Variants in ZNF736 observed in about 807,000 individuals in gnomAD.
ZNF736 encodes the protein zinc finger protein 736.
Under a neutral mutation model 11.7 loss-of-function variants are expected in ZNF736, and 6 were observed. That is an observed-to-expected ratio of 0.51 (90% CI 0.28 to 1.01). The LOEUF (loss-of-function observed/expected upper bound fraction) is 1.01. Among genes scored for constraint, ZNF736 ranks in the 50% least tolerant of loss-of-function variants. The pLI is 0.09. For synonymous variants in ZNF736, 139 were observed against 164.7 expected, an observed-to-expected ratio of 0.84 and a Z score of 1.19; for missense variants, 444 against 496.0, an observed-to-expected ratio of 0.90 and a Z score of 1.00.
At chr7:64,315,106 C>T (rs796615114) in intron 1 of ZNF736, among the ~76,000 whole-genome samples, 17 of 152,264 alleles carry the variant, frequency 1.1e-4, no homozygotes, top group African/African-American at 3.8e-4. Flanking sequence ...TTTTCAAGCT[C>T]TTGCTTCACC....
rs1789520630 is a variant in ZNF736, at chr7:64,353,737, TAGG to T, written c.*4593_*4595del. 6.6e-6 allele frequency: 1 copy of T among 152,304 alleles called. No homozygotes were observed. Among genetic ancestry groups the T allele is most frequent in the African/African-American group, 2.4e-5 (1 of 41,564 alleles). 9.4% of individuals were successfully genotyped at this position (152,304 alleles called of 1,614,324 possible). A position where few individuals can be genotyped will look rare whatever the true frequency, so the allele number is the denominator to read the frequency against. On this transcript the variant is annotated 3_prime_UTR_variant, in exon 4 of 4. Coordinates refer to ENST00000423484, the MANE Select transcript of ZNF736 (RefSeq NM_001170905.3). ...AGCAGTATCGTAAGTGACAGGATGA[TAGG>T]AGTGTGGTAAGTGATCAGGATAATA...
At position 64,349,167 on chromosome 7, in the gene ZNF736, C is replaced by T; in HGVS notation, c.*20C>T. 1 of 1,493,498 alleles carries T rather than the reference C, an allele frequency of 6.7e-7. No homozygotes were observed. The highest frequency in any genetic ancestry group is 8.9e-7 in the Non-Finnish European group (1 of 1,122,166). The allele number at this position is 1,493,498 out of a possible 1,614,324, so 92.5% of individuals were successfully genotyped here. On this transcript the variant is annotated 3_prime_UTR_variant, in exon 4 of 4. Coordinates refer to ENST00000423484, the MANE Select transcript of ZNF736 (RefSeq NM_001170905.3). The stretch of plus-strand genomic sequence containing the variant: ...TGTTAAAAATGTGGAAAAGCCTTTA[C>T]CAAGTCCTCATACTGTGTTCAACAT...
Position 64,336,921 on chromosome 7 carries a change from T to C in ZNF736, c.165T>C (p.Cys55=), listed in dbSNP as rs769663295. The stretch of plus-strand genomic sequence containing the variant: ...TCTTTAAGCCAGACTTGATGACCTG[T>C]CTGGAGCAAAGAAAAGAGCCTTGGA... ...LAIFKPDLMT[C]LEQRKEPWKV... is the part of the protein sequence containing the mutation. The change falls in exon 3 of 4, where the codon TGT becomes TGC. Residue 55 remains cysteine, a synonymous_variant. Coordinates refer to ENST00000423484, the MANE Select transcript of ZNF736 (RefSeq NM_001170905.3). 6.2e-7 allele frequency: 1 copy of C among 1,603,630 alleles called. No homozygotes were observed. The highest frequency in any genetic ancestry group is 1.1e-5 in the South Asian group (1 of 90,004).
At chr7:64,338,440 G>A (rs908826657) in intron 3 of ZNF736, among the ~76,000 whole-genome samples, 7 of 151,996 alleles carry the variant, frequency 4.6e-5, no homozygotes, top group Admixed American at 2.6e-4. Context: ...TGTACCTTAG[G>A]TTACCATAAC....
Position 64,354,541 on chromosome 7 carries a change from T to A in ZNF736, c.*5394T>A, listed in dbSNP as rs1415336704. 1 of 73,224 alleles carries A rather than the reference T, an allele frequency of 1.4e-5. No individual in the cohort carries two copies. The highest frequency in any genetic ancestry group is 2.8e-5 in the Non-Finnish European group (1 of 35,354). 4.5% of individuals were successfully genotyped at this position (73,224 alleles called of 1,614,324 possible). On this transcript the variant is annotated 3_prime_UTR_variant, in exon 4 of 4. Coordinates refer to ENST00000423484, the MANE Select transcript of ZNF736 (RefSeq NM_001170905.3). ...TGTTATTGCTCCTGGCTTAGAATCA[T>A]CTTGTGCAAATTCTTTTTTTGTTGT... is the stretch of plus-strand genomic sequence containing the variant.
intron 3 of ZNF736, among the ~76,000 whole-genome samples, chr7:64,338,339 T>C (rs1789288664): frequency 6.6e-6 from 1 of 152,220 alleles, no homozygotes; most frequent in Admixed American, 6.5e-5. Flanking sequence ...TTTATGACCT[T>C]ACAAGTTACC....
In ZNF736 at chr7:64,354,773, A is replaced by G. The variant is rs530462407; in HGVS notation, c.*5626A>G. The G allele has an allele frequency of 1.3e-5, 2 of 152,322 alleles. No homozygotes were observed. Among genetic ancestry groups the G allele is most frequent in the Admixed American group, 6.5e-5 (1 of 15,298 alleles). 9.4% of individuals were successfully genotyped at this position (152,322 alleles called of 1,614,324 possible). A position where few individuals can be genotyped will look rare whatever the true frequency, so the allele number is the denominator to read the frequency against. ...TGTTTCAATTAGAGAATGCTATTGA[A>G]TCCAGTTTTTGTTTAGTTACTGTTC... On this transcript the variant is annotated 3_prime_UTR_variant, in exon 4 of 4. Transcript: ENST00000423484.
chr7:64,333,215 T>C (rs1362991903), intron 1 of ZNF736, among the ~76,000 whole-genome samples: 1 of 152,226 alleles, frequency 6.6e-6, no homozygotes, highest in Non-Finnish European at 1.5e-5. Context: ...ACGCTACTTG[T>C]GATGTTTTGC....
intron 1 of ZNF736, among the ~76,000 whole-genome samples, chr7:64,322,512 C>G (rs1016333942): frequency 6.6e-6 from 1 of 152,020 alleles, no homozygotes; most frequent in Non-Finnish European, 1.5e-5. Context: ...ATAGTAACAT[C>G]AAAATACATT....
rs1346907037 is a variant in ZNF736, at chr7:64,348,793, C to G, written c.930C>G (p.Asp310Glu). 1.3e-6 allele frequency: 2 copies of G among 1,585,600 alleles called. No homozygotes were observed. Among genetic ancestry groups the G allele is most frequent in the African/African-American group, 1.4e-5 (1 of 73,602 alleles). Residue 310 changes from aspartate (D) to glutamate (E), a missense_variant, in exon 4 of 4, where the codon GAC becomes GAG. Transcript: ENST00000423484. ...AACATAAGATAATTCATACTGGAGACAAACCCTACACATGTAATGAATGTG... is the reference window on the plus strand; with the variant it reads ...AACATAAGATAATTCATACTGGAGAGAAACCCTACACATGTAATGAATGTG... The part of the protein sequence containing the change: ...LAKHKIIHTG[D>E]KPYTCNECGK...
At chr7:64,318,456 T>C (rs936965361) in intron 1 of ZNF736, among the ~76,000 whole-genome samples, 1 of 152,040 alleles carries the variant, frequency 6.6e-6, no homozygotes, top group African/African-American at 2.4e-5. Flanking sequence ...TTCTTAACAA[T>C]TATTTTTGTA....
In ZNF736 at chr7:64,356,526, G is replaced by A. The variant is rs1387502207; in HGVS notation, c.*7379G>A. Among the ~76,000 whole-genome samples, 1 of 151,778 alleles carries A rather than the reference G, an allele frequency of 6.6e-6. No individual in the cohort carries two copies. Among genetic ancestry groups the A allele is most frequent in the African/African-American group, 2.4e-5 (1 of 41,290 alleles). Reference sequence around the variant, plus strand: ...CCTAGCTAAATTTTTTTAAGATTGAGGATAATATGTAAAATAATTTATACA... The same window carrying A: ...CCTAGCTAAATTTTTTTAAGATTGAAGATAATATGTAAAATAATTTATACA... On this transcript the variant is annotated 3_prime_UTR_variant, in exon 4 of 4. Transcript: ENST00000423484.
chr7:64,320,881 A>T (rs1012439827), intron 1 of ZNF736, among the ~76,000 whole-genome samples: 2 of 152,170 alleles, frequency 1.3e-5, no homozygotes, highest in Admixed American at 6.5e-5. Flanking sequence ...CATTTTTGTC[A>T]TTGCATTTTG....
chr7:64,339,563 C>T (rs1292759453), intron 3 of ZNF736, among the ~76,000 whole-genome samples: 1 of 152,166 alleles, frequency 6.6e-6, no homozygotes, highest in Non-Finnish European at 1.5e-5. Context: ...TATGCATTCT[C>T]AGTGGCTCAG....
chr7:64,350,764 G>GTTTTTTTTGTTTTGT lies in ZNF736; in HGVS notation c.*1621_*1635dup. 1.4e-5 allele frequency: 1 copy of GTTTTTTTTGTTTTGT among 69,642 alleles called. No homozygotes were observed. The highest frequency in any genetic ancestry group is 5.5e-5 in the African/African-American group (1 of 18,042). The allele number at this position is 69,642 out of a possible 1,614,324, so 4.3% of individuals were successfully genotyped here. On this transcript the variant is annotated 3_prime_UTR_variant, in exon 4 of 4. Coordinates refer to ENST00000423484, the MANE Select transcript of ZNF736 (RefSeq NM_001170905.3). Reference sequence around the variant, plus strand: ...AGCCAACAGGCTTTGTTCCTGGGAGGTTTTTTTTGTTTTGTTTTGTTTTGT... The same window carrying GTTTTTTTTGTTTTGT: ...AGCCAACAGGCTTTGTTCCTGGGAGGTTTTTTTTGTTTTGTTTTTTTTTGTTTTGTTTTGTTTTGT...
intron 3 of ZNF736, 49 bp from the exon 4 acceptor site, chr7:64,348,041 G>T: frequency 1.5e-6 from 2 of 1,332,392 alleles, no homozygotes; most frequent in South Asian, 3.2e-5. Context: ...TATTTGTGAA[G>T]TATATTCACC....
At chr7:64,336,532 T>A in intron 2 of ZNF736, 147 bp downstream of exon 2, 1 of 853,634 alleles carries the variant, frequency 1.2e-6, no homozygotes, top group Non-Finnish European at 1.7e-6. Context: ...GTAGAAAATA[T>A]AATCTTCAAG....
intron 1 of ZNF736, among the ~76,000 whole-genome samples, chr7:64,325,505 A>G (rs912843224): frequency 6.6e-6 from 1 of 152,166 alleles, no homozygotes; most frequent in Non-Finnish European, 1.5e-5. Context: ...ATTGTACCCA[A>G]TGCCACTCGT....
Position 64,354,806 on chromosome 7 carries a change from TTTA to T in ZNF736, c.*5661_*5663del, listed in dbSNP as rs1255393815. 1 of 152,376 alleles carries T rather than the reference TTTA, an allele frequency of 6.6e-6. No homozygotes were observed. The highest frequency in any genetic ancestry group is 1.5e-5 in the Non-Finnish European group (1 of 68,034). The allele number at this position is 152,376 out of a possible 1,614,324, so 9.4% of individuals were successfully genotyped here. A position where few individuals can be genotyped will look rare whatever the true frequency, so the allele number is the denominator to read the frequency against. On this transcript the variant is annotated 3_prime_UTR_variant, in exon 4 of 4. Transcript: ENST00000423484. Reference sequence around the variant, plus strand: ...TTTGTTTAGTTACTGTTCATTTTACTTTATAAAATTGACATAATTGAGTTTATT... The same window carrying T: ...TTTGTTTAGTTACTGTTCATTTTACTTAAAATTGACATAATTGAGTTTATT...
Sources: allele counts gnomAD v4.1 joint callset (sites outside exome capture counted in the v4.1 genomes callset), GRCh38; gene constraint gnomAD v4.1.1; transcripts MANE v1.5; gene names NCBI Gene and HGNC (gene_info 2026-07-23, HGNC 2026-07-21).